The following PRKG1 variants were observed in gnomAD, a reference collection of about 807,000 sequenced individuals.
PRKG1 encodes cGMP-dependent protein kinase 1.
PRKG1 carries 35 observed loss-of-function variants against 88.1 expected under a neutral mutation model. The ratio of observed to expected loss-of-function variants is 0.40; its 90% CI spans 0.30 to 0.53. The LOEUF (loss-of-function observed/expected upper bound fraction) is 0.53. Among genes scored for constraint, PRKG1 ranks in the 20% least tolerant of loss-of-function variants. The pLI is 0.59. For missense variants in PRKG1, 540 were observed against 839.8 expected (o/e 0.64, Z 4.41); for synonymous variants, 303 against 292.5 (o/e 1.04, Z -0.37).
At chr10:51,966,338 A>C (rs1280265721) in intron 5 of PRKG1, among the ~76,000 whole-genome samples, 1 of 151,872 alleles carries the variant, frequency 6.6e-6, no homozygotes, top group Non-Finnish European at 1.5e-5. Context: ...ACCTTTAATA[A>C]TTCCTTTCTC....
intron 4 of PRKG1, among the ~76,000 whole-genome samples, chr10:51,860,021 A>G (rs553639232): frequency 6.6e-6 from 1 of 152,098 alleles, no homozygotes; most frequent in Non-Finnish European, 1.5e-5. Flanking sequence ...TGAATTAGGT[A>G]CTCGTGTCAT....
chr10:51,892,451 C>T (rs1371131600), intron 4 of PRKG1, among the ~76,000 whole-genome samples: 1 of 152,102 alleles, frequency 6.6e-6, no homozygotes, highest in Non-Finnish European at 1.5e-5. Context: ...CATATGTAGG[C>T]AGCAAGGTTT....
Position 51,878,397 on chromosome 10 carries a change from A to G in PRKG1, c.699-29110A>G, listed in dbSNP as rs374059283. 6.2e-4 allele frequency among the ~76,000 whole-genome samples: 95 copies of G among 152,292 alleles called. No individual in the cohort carries two copies. In the South Asian group the frequency reaches 8.5e-3, roughly 14 times the overall value. ...AGTAAGAAACCTCCTCTCAATATGT[A>G]AGTGGCAAATCTATACCAAATGGAT... On this transcript the variant is annotated intron_variant, in intron 4 of 17. Transcript: ENST00000373980.
At chr10:51,476,511 C>A (rs1840200784) in intron 3 of PRKG1, among the ~76,000 whole-genome samples, 1 of 151,966 alleles carries the variant, frequency 6.6e-6, no homozygotes, top group Non-Finnish European at 1.5e-5. Flanking sequence ...TCCAGAAGAG[C>A]AATACTTTAT....
intron 3 of PRKG1, among the ~76,000 whole-genome samples, chr10:51,649,408 G>A (rs1839987329): frequency 6.6e-6 from 1 of 151,696 alleles, no homozygotes; most frequent in East Asian, 1.9e-4. Context: ...TTCTGAGAGT[G>A]ATCCCCAAAG....
intron 9 of PRKG1, among the ~76,000 whole-genome samples, chr10:52,218,364 T>C (rs1489981523): frequency 2.0e-5 from 3 of 151,922 alleles, no homozygotes; most frequent in South Asian, 2.1e-4. Context: ...CAAGGCCATA[T>C]AGAGAGACAG....
intron 3 of PRKG1, among the ~76,000 whole-genome samples, chr10:51,586,831 G>A (rs183835964): frequency 5.3e-5 from 8 of 152,226 alleles, no homozygotes; most frequent in African/African-American, 1.4e-4. Context: ...CTTAGAGGAA[G>A]TTAACGTATT....
chr10:51,843,928 G>A (rs987414456), intron 4 of PRKG1, among the ~76,000 whole-genome samples: 31 of 152,168 alleles, frequency 2.0e-4, no homozygotes, highest in Admixed American at 4.6e-4. Context: ...AGAAAAGAAG[G>A]CATGAATAAA....
chr10:51,851,495 A>T (rs1004135736), intron 4 of PRKG1, among the ~76,000 whole-genome samples: 5 of 152,134 alleles, frequency 3.3e-5, no homozygotes, highest in African/African-American at 9.7e-5. Flanking sequence ...ACGCTTCCCT[A>T]TGGGGAAGTA....
intron 3 of PRKG1, among the ~76,000 whole-genome samples, chr10:51,726,249 C>A (rs1409461414): frequency 6.6e-6 from 1 of 152,060 alleles, no homozygotes; most frequent in Non-Finnish European, 1.5e-5. Flanking sequence ...TTTAGTTTTG[C>A]ATCCTTTCTA....
chr10:51,768,630 ATTTT>A (rs1323921170), intron 3 of PRKG1, among the ~76,000 whole-genome samples: 1 of 152,022 alleles, frequency 6.6e-6, no homozygotes, highest in Non-Finnish European at 1.5e-5. Flanking sequence ...AAATCTTGGG[ATTTT>A]TTTACCCCCA....
Position 51,074,896 on chromosome 10 carries a change from C to A in PRKG1, c.306C>A (p.Ser102Arg). 6.2e-7 allele frequency: 1 copy of A among 1,604,962 alleles called. No individual in the cohort carries two copies. ...SHVTLPFYPK[S>R]PQSKDLIKEA... ...TGACCCTGCCCTTCTACCCCAAGAG[C>A]CCACAGTAAGCAGGGGTGACGCGCC... Residue 102 changes from serine (S) to arginine (R), a missense_variant, in exon 1 of 18, where the codon AGC (serine) becomes AGA (arginine). Physicochemically the swap from Ser to Arg is moderately radical, Grantham distance 110. Coordinates refer to ENST00000373980, the MANE Select transcript of PRKG1 (RefSeq NM_006258.4).
chr10:51,728,175 C>T (rs1289265565), intron 3 of PRKG1, among the ~76,000 whole-genome samples: 1 of 151,964 alleles, frequency 6.6e-6, no homozygotes, highest in Non-Finnish European at 1.5e-5. Flanking sequence ...ATAGATCATT[C>T]AGAAATATAT....
chr10:51,581,035 G>A (rs571190192), intron 3 of PRKG1, among the ~76,000 whole-genome samples: 13 of 152,158 alleles, frequency 8.5e-5, no homozygotes, highest in African/African-American at 2.9e-4. Flanking sequence ...CTGGTCCCAC[G>A]ATGCCTCCAA....
At chr10:51,730,145 G>T (rs1842238005) in intron 3 of PRKG1, among the ~76,000 whole-genome samples, 1 of 152,124 alleles carries the variant, frequency 6.6e-6, no homozygotes, top group Non-Finnish European at 1.5e-5. Context: ...TCTGAGAATA[G>T]AAGTGTTTTC....
At chr10:51,292,220 T>C (rs1014231928) in intron 2 of PRKG1, among the ~76,000 whole-genome samples, 3 of 152,180 alleles carry the variant, frequency 2.0e-5, no homozygotes, top group Non-Finnish European at 2.9e-5. Flanking sequence ...GAGGGAACAC[T>C]TCTGAATTCT....
intron 2 of PRKG1, among the ~76,000 whole-genome samples, chr10:51,389,172 A>G (rs1837331332): frequency 6.6e-6 from 1 of 152,162 alleles, no homozygotes; most frequent in African/African-American, 2.4e-5. Flanking sequence ...AACGAGTACA[A>G]ATCTTTTTAA....
intron 1 of PRKG1, among the ~76,000 whole-genome samples, chr10:51,120,397 G>A (rs888793399): frequency 3.3e-5 from 5 of 152,048 alleles, no homozygotes; most frequent in African/African-American, 4.8e-5. Context: ...GGATATTTAA[G>A]GTCTTGAAGT....
chr10:52,131,652 G>A (rs961418291), intron 7 of PRKG1, among the ~76,000 whole-genome samples: 8 of 151,562 alleles, frequency 5.3e-5, no homozygotes, highest in African/African-American at 1.9e-4. Context: ...TTCGAGACCA[G>A]CCTGGCTAAC....
Sources: allele counts gnomAD v4.1 joint callset (sites outside exome capture counted in the v4.1 genomes callset), GRCh38; gene constraint gnomAD v4.1.1; transcripts MANE v1.5; gene names NCBI Gene and HGNC (gene_info 2026-07-23, HGNC 2026-07-21).